Variants in PLCE1 observed in about 807,000 individuals in gnomAD.
The protein encoded by PLCE1 is phospholipase C epsilon 1, also known as 1-phosphatidylinositol 4,5-bisphosphate phosphodiesterase epsilon-1.
A neutral mutation model predicts 242.8 loss-of-function variants in PLCE1; 119 were observed. That is an observed-to-expected ratio of 0.49 (90% confidence interval 0.42 to 0.57). The LOEUF (loss-of-function observed/expected upper bound fraction) is 0.57. Ranked by LOEUF, PLCE1 falls within the 20% of genes least tolerant of loss-of-function variation. The probability of loss-of-function intolerance (pLI) is 0.00; values close to 1 mark genes in which losing one functional copy is unlikely to be tolerated. For missense variants in PLCE1, 2,441 were observed against 2,788.8 expected (o/e 0.88, Z 2.81); for synonymous variants, 945 against 1,017.4 (o/e 0.93, Z 1.35).
chr10:94,095,430 C>T (rs2045270687), intron 2 of PLCE1, among the ~76,000 whole-genome samples: 1 of 152,130 alleles, frequency 6.6e-6, no homozygotes, highest in African/African-American at 2.4e-5. Context: ...AATCTTGGCT[C>T]ACTGTAACCT....
In PLCE1 at chr10:94,031,175, T is replaced by C. The variant is rs1564634430; in HGVS notation, c.129T>C (p.Thr43=). The change falls in exon 2 of 33, where the codon ACT becomes ACC. Residue 43 remains threonine (T), a synonymous_variant. Coordinates refer to ENST00000371380, the MANE Select transcript of PLCE1 (RefSeq NM_016341.4). The stretch of plus-strand genomic sequence containing the variant: ...ACATCAATATTTCAAAAGCACATAC[T>C]GTCAGACGAAGTGGGGAGACTTCTC... ...VSDINISKAH[T]VRRSGETSHT... 2.5e-6 allele frequency: 4 copies of C among 1,613,866 alleles called. No individual in the cohort carries two copies. Among genetic ancestry groups the C allele is most frequent in the Non-Finnish European group, 8.5e-7 (1 of 1,179,862 alleles).
intron 24 of PLCE1, 30 bp from the exon 25 acceptor site, chr10:94,304,452 T>G: frequency 6.2e-7 from 1 of 1,605,264 alleles, no homozygotes; most frequent in Non-Finnish European, 8.5e-7. Flanking sequence ...TAACAAGCTA[T>G]ATTGGCTTTC....
chr10:94,001,345 G>A (rs2060926667), intron 1 of PLCE1, among the ~76,000 whole-genome samples: 1 of 152,180 alleles, frequency 6.6e-6, no homozygotes, highest in Non-Finnish European at 1.5e-5. Flanking sequence ...TAAAAATAAT[G>A]AAAGGTCTCC....
chr10:94,239,683 C>G (rs1381667675), intron 7 of PLCE1, among the ~76,000 whole-genome samples: 1 of 152,058 alleles, frequency 6.6e-6, no homozygotes, highest in Non-Finnish European at 1.5e-5. Flanking sequence ...TTTTCTGTGT[C>G]CTTCTACCTC....
rs1392237726 is a variant in PLCE1 at position 94,321,658 on chromosome 10, T to C, written c.6343-243T>C. On this transcript the variant is annotated intron_variant, in intron 29 of 32. Transcript: ENST00000371380. The stretch of plus-strand genomic sequence containing the variant: ...AAAAAAAAAAAAAACCCACAGCTAA[T>C]AGGAGCAGATAAATTGGCTTGTTAT... Among the ~76,000 whole-genome samples, 10 of 146,538 alleles carry C rather than the reference T, an allele frequency of 6.8e-5. No individual in the cohort carries two copies. In the South Asian group the frequency reaches 8.5e-4, roughly 13 times the overall value.
At position 94,031,147 on chromosome 10, in the gene PLCE1, C is replaced by T. The variant is rs1474301044; in HGVS notation, c.101C>T (p.Ser34Leu). 1 of 1,613,824 alleles carries T rather than the reference C, an allele frequency of 6.2e-7. No homozygotes were observed. The highest frequency in any genetic ancestry group is 8.5e-7 in the Non-Finnish European group (1 of 1,179,822). ...GCAGATGAAAGTAGTGAAAAGGTCT[C>T]AGACATCAATATTTCAAAAGCACAT... ...SAADESSEKV[S>L]DINISKAHTV... is the part of the protein sequence containing the mutation. The change falls in exon 2 of 33, where the codon TCA becomes TTA. Residue 34 changes from serine to leucine, a missense_variant. Coordinates refer to ENST00000371380, the MANE Select transcript of PLCE1 (RefSeq NM_016341.4).
In PLCE1 at chr10:94,321,962, A is replaced by G. The variant is rs758237098; in HGVS notation, c.6404A>G (p.Glu2135Gly). 5 of 1,613,730 alleles carry G rather than the reference A, an allele frequency of 3.1e-6. No homozygotes were observed. The Admixed American group carries it at 6.7e-5, about 22-fold the overall frequency. The change falls in exon 30 of 33, where the codon GAG becomes GGG. Residue 2135 changes from glutamate to glycine, a missense_variant. By Grantham distance (98) the Glu-to-Gly change is moderately conservative (BLOSUM62 -2). Around this residue, in one of 5 missense-constraint regions of PLCE1, gnomAD observed 310 missense variants for 317.2 expected, o/e 0.98. Coordinates refer to ENST00000371380, the MANE Select transcript of PLCE1 (RefSeq NM_016341.4). ...DKEVILSSEE[E>G]SFFVQVHDVS... is the part of the protein sequence containing the mutation. ...GAGGTGATCTTGAGCTCAGAGGAGG[A>G]GAGTTTCTTTGTCCAAGTGCATGAT... is the stretch of plus-strand genomic sequence containing the variant.
At chr10:94,280,018 G>C in intron 20 of PLCE1, 107 bp downstream of exon 20, 1 of 1,137,448 alleles carries the variant, frequency 8.8e-7, no homozygotes, top group South Asian at 1.2e-5. Flanking sequence ...TAATACGGAT[G>C]GTTGTAATAT....
chr10:94,301,626 T>G (rs1027767989), intron 24 of PLCE1, among the ~76,000 whole-genome samples: 1 of 152,100 alleles, frequency 6.6e-6, no homozygotes, highest in African/African-American at 2.4e-5. Context: ...CTTCCCAAGC[T>G]TTCTGCTGGT....
At chr10:94,223,092 A>C (rs1199786268) in intron 4 of PLCE1, among the ~76,000 whole-genome samples, 1 of 152,032 alleles carries the variant, frequency 6.6e-6, no homozygotes. Context: ...CTAAAGGATG[A>C]GTAGGGTTCA....
intron 3 of PLCE1, among the ~76,000 whole-genome samples, chr10:94,152,450 G>A (rs949193324): frequency 2.6e-5 from 4 of 152,112 alleles, no homozygotes; most frequent in African/African-American, 9.7e-5. Context: ...CAGTTGAAAA[G>A]GGAAAATGAA....
At chr10:94,264,708 G>A (rs949592511) in intron 14 of PLCE1, among the ~76,000 whole-genome samples, 4 of 151,908 alleles carry the variant, frequency 2.6e-5, no homozygotes, top group Admixed American at 6.6e-5. Context: ...TTTTACTAGA[G>A]ATGGGGTTTC....
chr10:94,039,597 G>A (rs935875711), intron 2 of PLCE1, among the ~76,000 whole-genome samples: 1 of 152,082 alleles, frequency 6.6e-6, no homozygotes, highest in Non-Finnish European at 1.5e-5. Context: ...TGTTGGCCAG[G>A]CTGGTCTCAA....
intron 2 of PLCE1, among the ~76,000 whole-genome samples, chr10:94,084,750 T>G (rs955985279): frequency 1.3e-5 from 2 of 152,218 alleles, no homozygotes; most frequent in African/African-American, 4.8e-5. Flanking sequence ...GATTGGACAA[T>G]GCCAATGATA....
intron 2 of PLCE1, among the ~76,000 whole-genome samples, chr10:94,072,151 T>C (rs550313790): frequency 4.7e-4 from 72 of 152,380 alleles, no homozygotes; most frequent in African/African-American, 1.7e-3. Flanking sequence ...TTAATGTTTG[T>C]CTGTTGTTAT....
At chr10:94,183,386 CACTGAGCTT>C (rs61324709) in intron 4 of PLCE1, among the ~76,000 whole-genome samples, 4,230 of 152,262 alleles carry the variant, frequency 0.028, 213 homozygotes, top group African/African-American at 0.096. Flanking sequence ...GCTCCTGCCC[CACTGAGCTT>C]ACATTCTAGT....
chr10:94,322,803 A>G (rs888440114), intron 30 of PLCE1, among the ~76,000 whole-genome samples: 1 of 151,864 alleles, frequency 6.6e-6, no homozygotes, highest in Non-Finnish European at 1.5e-5. Flanking sequence ...AAAAAGTACA[A>G]AAATTAGCCA....
Position 94,330,745 on chromosome 10 carries a change from A to C in PLCE1, c.*2802A>C, listed in dbSNP as rs1275497176. The C allele has an allele frequency of 6.6e-6, 1 of 152,100 alleles. No homozygotes were observed. Among genetic ancestry groups the C allele is most frequent in the African/African-American group, 2.4e-5 (1 of 41,422 alleles). The allele number at this position is 152,100 out of a possible 1,614,324, so 9.4% of individuals were successfully genotyped here. On this transcript the variant is annotated 3_prime_UTR_variant, in exon 33 of 33. Coordinates refer to ENST00000371380, the MANE Select transcript of PLCE1 (RefSeq NM_016341.4). ...AGTCTACTATTATACACAAATGGCC[A>C]GCACAATCTGATGTTGGCTGAAAAT...
intron 11 of PLCE1, 138 bp downstream of exon 11, chr10:94,255,187 A>G: frequency 1.0e-6 from 1 of 985,768 alleles, no homozygotes; most frequent in Non-Finnish European, 1.5e-6. Context: ...AAAAATCCCA[A>G]AATTTTAAAT....
Sources: allele counts gnomAD v4.1 joint callset (sites outside exome capture counted in the v4.1 genomes callset), GRCh38; gene constraint gnomAD v4.1.1; regional missense constraint gnomAD v4.1.1; transcripts MANE v1.5; gene names NCBI Gene and HGNC (gene_info 2026-07-23, HGNC 2026-07-21).